The following VWC2 variants were observed in gnomAD, a reference collection of about 807,000 sequenced individuals.
The protein encoded by VWC2 is brorin.
A neutral mutation model predicts 29.8 loss-of-function variants in VWC2; 14 were observed. That is an observed-to-expected ratio of 0.47 (90% CI 0.31 to 0.74). The LOEUF (loss-of-function observed/expected upper bound fraction) is 0.74, where lower values mean the gene tolerates loss of function less well. VWC2 is among the 30% of genes least tolerant of loss of function. VWC2 has a pLI of 0.05. For synonymous variants in VWC2, 213 were observed against 199.0 expected, an observed-to-expected ratio of 1.07 and a Z score of -0.59; for missense variants, 457 against 459.8, an observed-to-expected ratio of 0.99 and a Z score of 0.05.
chr7:49,894,756 G>A (rs1300309090), intron 3 of VWC2, among the ~76,000 whole-genome samples: 1 of 152,114 alleles, frequency 6.6e-6, no homozygotes, highest in African/African-American at 2.4e-5. Context: ...GCCAGGAGGG[G>A]AGGCTCAACT....
intron 3 of VWC2, among the ~76,000 whole-genome samples, chr7:49,834,130 G>C (rs926176387): frequency 5.9e-5 from 9 of 152,162 alleles, no homozygotes; most frequent in South Asian, 2.1e-4. Flanking sequence ...AGACTTGGGA[G>C]TAAAGGAGCC....
chr7:49,899,114 C>G (rs1468126585), intron 3 of VWC2, among the ~76,000 whole-genome samples: 1 of 152,012 alleles, frequency 6.6e-6, no homozygotes, highest in Middle Eastern at 3.2e-3. Context: ...GACACATAGA[C>G]TATCCCCCCT....
chr7:49,844,604 G>A (rs1373527057), intron 3 of VWC2, among the ~76,000 whole-genome samples: 2 of 152,230 alleles, frequency 1.3e-5, no homozygotes, highest in East Asian at 3.8e-4. Flanking sequence ...GATTGTGAGA[G>A]CCCTGGTCTT....
At chr7:49,836,383 C>T (rs1789658105) in intron 3 of VWC2, among the ~76,000 whole-genome samples, 1 of 149,626 alleles carries the variant, frequency 6.7e-6, no homozygotes, top group African/African-American at 2.5e-5. Context: ...AATCCCAGTA[C>T]TTTGGGAGGC....
chr7:49,894,595 C>G (rs547741710), intron 3 of VWC2, among the ~76,000 whole-genome samples: 1 of 152,342 alleles, frequency 6.6e-6, no homozygotes, highest in East Asian at 1.9e-4. Flanking sequence ...ATACTGAGCT[C>G]TAGCTCTGTG....
chr7:49,783,375 T>G (rs541511), intron 2 of VWC2, among the ~76,000 whole-genome samples: 13,280 of 152,032 alleles, frequency 0.087, 1,939 homozygotes, highest in African/African-American at 0.3. Context: ...ACTCCACTGT[T>G]GTTGATGGCT....
At chr7:49,887,584 T>A (rs574129446) in intron 3 of VWC2, among the ~76,000 whole-genome samples, 2 of 152,332 alleles carry the variant, frequency 1.3e-5, no homozygotes, top group East Asian at 3.9e-4. Context: ...TGTATGATAA[T>A]CAGATGTCAA....
At chr7:49,828,778 T>A (rs1486373994) in intron 3 of VWC2, among the ~76,000 whole-genome samples, 6 of 152,184 alleles carry the variant, frequency 3.9e-5, no homozygotes, top group Admixed American at 6.5e-5. Context: ...TTTTCAAATA[T>A]AAGCAACCAA....
At chr7:49,879,468 A>T (rs1791581022) in intron 3 of VWC2, among the ~76,000 whole-genome samples, 1 of 152,194 alleles carries the variant, frequency 6.6e-6, no homozygotes, top group Non-Finnish European at 1.5e-5. Flanking sequence ...ATGTAATACA[A>T]CCTGGAACCA....
intron 2 of VWC2, among the ~76,000 whole-genome samples, chr7:49,801,642 A>T (rs1174941866): frequency 6.6e-6 from 1 of 152,240 alleles, no homozygotes; most frequent in Non-Finnish European, 1.5e-5. Flanking sequence ...TTGGTTTCTA[A>T]CAGAGCATCG....
intron 3 of VWC2, among the ~76,000 whole-genome samples, chr7:49,813,703 C>T (rs1472439654): frequency 6.6e-6 from 1 of 152,110 alleles, no homozygotes; most frequent in African/African-American, 2.4e-5. Flanking sequence ...TGCAATAATA[C>T]TTTAAAATTG....
chr7:49,894,893 G>A (rs375963716), intron 3 of VWC2, among the ~76,000 whole-genome samples: 30 of 152,332 alleles, frequency 2.0e-4, no homozygotes, highest in Middle Eastern at 6.8e-3. Context: ...AGCAGTAGGC[G>A]CCGAACACAG....
chr7:49,911,976 T>TTA (rs752835343), intron 3 of VWC2, 58 bp from the exon 4 acceptor site: 12 of 1,263,158 alleles, frequency 9.5e-6, no homozygotes, highest in Admixed American at 2.7e-5. Context: ...TAATACCTAA[T>TTA]TATATATATT....
chr7:49,805,164 A>C (rs1453146445), intron 3 of VWC2, among the ~76,000 whole-genome samples: 1 of 152,196 alleles, frequency 6.6e-6, no homozygotes, highest in Non-Finnish European at 1.5e-5. Context: ...AGAGATTCAC[A>C]GTTTGTTTTA....
At chr7:49,900,086 G>T (rs1023615278) in intron 3 of VWC2, among the ~76,000 whole-genome samples, 4 of 151,406 alleles carry the variant, frequency 2.6e-5, no homozygotes, top group Admixed American at 1.3e-4. Context: ...GAGCCTAGAA[G>T]TCTCAAGAGA....
At chr7:49,791,720 C>G (rs1788465948) in intron 2 of VWC2, among the ~76,000 whole-genome samples, 1 of 152,202 alleles carries the variant, frequency 6.6e-6, no homozygotes, top group South Asian at 2.1e-4. Flanking sequence ...TGCCCTCATT[C>G]CATCCTCCTC....
At chr7:49,813,621 A>G (rs1789063845) in intron 3 of VWC2, among the ~76,000 whole-genome samples, 1 of 152,352 alleles carries the variant, frequency 6.6e-6, no homozygotes, top group African/African-American at 2.4e-5. Flanking sequence ...CTTCAAATGG[A>G]TTCCAAATGC....
chr7:49,783,915 A>G (rs1338753520), intron 2 of VWC2, among the ~76,000 whole-genome samples: 5 of 151,668 alleles, frequency 3.3e-5, no homozygotes, highest in Admixed American at 2.0e-4. Context: ...AATAAAATAA[A>G]GAAAAAAAAG....
chr7:49,785,072 G>T (rs1272203038), intron 2 of VWC2, among the ~76,000 whole-genome samples: 1 of 152,194 alleles, frequency 6.6e-6, no homozygotes, highest in Non-Finnish European at 1.5e-5. Context: ...CCCAATCCTA[G>T]TCAGCTTTGA....
Sources: gnomAD v4.1 joint callset for allele counts (sites outside exome capture counted in the v4.1 genomes callset) on GRCh38, gnomAD v4.1.1 for gene constraint, MANE v1.5 for transcripts, NCBI Gene and HGNC (gene_info 2026-07-23, HGNC 2026-07-21) for gene names.